The following PPP2R5A variants were observed in gnomAD, a reference collection of about 807,000 sequenced individuals.
PPP2R5A encodes protein phosphatase 2 regulatory subunit B'alpha, also known as serine/threonine-protein phosphatase 2A 56 kDa regulatory subunit alpha isoform.
Under a neutral mutation model 64.2 loss-of-function variants are expected in PPP2R5A, and 25 were observed. The observed-to-expected ratio is 0.39, with a 90% CI of 0.28 to 0.54. The LOEUF (loss-of-function observed/expected upper bound fraction) is 0.54. PPP2R5A is among the 20% of genes least tolerant of loss of function. The pLI, the probability that PPP2R5A is intolerant of heterozygous loss-of-function variation, is 0.67. For missense variants in PPP2R5A, 425 were observed against 576.3 expected (o/e 0.74, Z 2.69); for synonymous variants, 198 against 201.2 (o/e 0.98, Z 0.13).
intron 3 of PPP2R5A, among the ~76,000 whole-genome samples, chr1:212,339,911 G>A (rs1433821699): frequency 6.9e-6 from 1 of 144,036 alleles, no homozygotes; most frequent in Admixed American, 7.2e-5. Flanking sequence ...AATCTCCAGG[G>A]ATTTGCATAA....
intron 1 of PPP2R5A, chr1:212,302,202 A>G: frequency 2.0e-6 from 2 of 1,017,996 alleles, no homozygotes; most frequent in South Asian, 1.6e-5. Context: ...TACAAGCAAA[A>G]CCACATTACA....
chr1:212,314,240 T>A (rs1659101401), intron 1 of PPP2R5A, among the ~76,000 whole-genome samples: 1 of 152,092 alleles, frequency 6.6e-6, no homozygotes, highest in Non-Finnish European at 1.5e-5. Flanking sequence ...ATAAGAGTTA[T>A]TTAGCCTTCT....
intron 1 of PPP2R5A, chr1:212,302,048 G>A (rs1217906206): frequency 6.5e-7 from 1 of 1,526,746 alleles, no homozygotes; most frequent in Admixed American, 2.0e-5. Context: ...GTTTATCACT[G>A]ATTTAATGAA....
At chr1:212,316,110 G>T (rs1357329428) in intron 1 of PPP2R5A, among the ~76,000 whole-genome samples, 2 of 152,136 alleles carry the variant, frequency 1.3e-5, no homozygotes, top group Admixed American at 6.6e-5. Flanking sequence ...AAATACCTCT[G>T]CAATGGCTGC....
intron 1 of PPP2R5A, among the ~76,000 whole-genome samples, chr1:212,324,481 A>C (rs1242952590): frequency 6.6e-6 from 1 of 152,234 alleles, no homozygotes; most frequent in Admixed American, 6.5e-5. Context: ...TAGTGTTAGA[A>C]AAACATACTT....
At chr1:212,345,101 G>T (rs1318840769) in intron 4 of PPP2R5A, among the ~76,000 whole-genome samples, 1 of 150,658 alleles carries the variant, frequency 6.6e-6, no homozygotes, top group Non-Finnish European at 1.5e-5. Context: ...GGAGGTCGAG[G>T]CTGCAGTGAG....
chr1:212,296,958 T>C (rs1238800625), intron 1 of PPP2R5A, among the ~76,000 whole-genome samples: 1 of 152,228 alleles, frequency 6.6e-6, no homozygotes, highest in East Asian at 1.9e-4. Context: ...CTGATTCCTC[T>C]ATTAAATGGA....
chr1:212,340,538 T>C (rs1229597718), intron 3 of PPP2R5A, among the ~76,000 whole-genome samples: 1 of 152,236 alleles, frequency 6.6e-6, no homozygotes, highest in Admixed American at 6.5e-5. Flanking sequence ...ATCAGTTTTG[T>C]ATATCTTTTT....
chr1:212,313,753 T>C (rs1179004693), intron 1 of PPP2R5A: 1 of 152,040 alleles, frequency 6.6e-6, no homozygotes, highest in Non-Finnish European at 1.5e-5. Context: ...AGTGCCTTAT[T>C]TTTTTTTCCT....
At chr1:212,332,220 C>T (rs1249917394) in intron 2 of PPP2R5A, among the ~76,000 whole-genome samples, 2 of 152,152 alleles carry the variant, frequency 1.3e-5, no homozygotes, top group African/African-American at 2.4e-5. Flanking sequence ...TAAGTCTTAA[C>T]GGTTACAGTA....
chr1:212,297,096 CTTTTTTTTTTTTTTTTTTTTTTTTTT>C (rs869112186), intron 1 of PPP2R5A, among the ~76,000 whole-genome samples: 7 of 82,672 alleles, frequency 8.5e-5, no homozygotes, highest in South Asian at 9.9e-4. Context: ...TTTGCTTCTT[CTTTTTTTTTTTTTTTTTTTTTTTTTT>C]TTTTTTTTTT....
intron 5 of PPP2R5A, among the ~76,000 whole-genome samples, chr1:212,346,300 A>G (rs999972570): frequency 1.2e-4 from 18 of 152,022 alleles, no homozygotes; most frequent in Admixed American, 2.0e-4. Context: ...CATACTATGT[A>G]TGTTGCCCAG....
At chr1:212,304,728 C>G (rs1296318153) in intron 1 of PPP2R5A, among the ~76,000 whole-genome samples, 1 of 148,928 alleles carries the variant, frequency 6.7e-6, no homozygotes, top group East Asian at 2.1e-4. Flanking sequence ...AAGGCCGGCC[C>G]CAGTTTTTTT....
At chr1:212,311,384 G>C (rs1477575513) in intron 1 of PPP2R5A, among the ~76,000 whole-genome samples, 2 of 151,920 alleles carry the variant, frequency 1.3e-5, no homozygotes, top group South Asian at 2.1e-4. Flanking sequence ...CAGAAGAATG[G>C]CATGAACCCG....
At chr1:212,343,046 C>A (rs1217920229) in intron 4 of PPP2R5A, among the ~76,000 whole-genome samples, 8 of 152,052 alleles carry the variant, frequency 5.3e-5, no homozygotes, top group Non-Finnish European at 1.2e-4. Context: ...CTCCTGGGTT[C>A]AAGCGATTCT....
intron 1 of PPP2R5A, among the ~76,000 whole-genome samples, chr1:212,323,275 A>G (rs1659344723): frequency 6.6e-6 from 1 of 152,162 alleles, no homozygotes; most frequent in Admixed American, 6.5e-5. Context: ...CTTGCTTCTA[A>G]TCTTTTGAAG....
chr1:212,288,751 C>T (rs1227855377), intron 1 of PPP2R5A, among the ~76,000 whole-genome samples: 1 of 152,134 alleles, frequency 6.6e-6, no homozygotes, highest in Non-Finnish European at 1.5e-5. Flanking sequence ...ATGGAAAGCC[C>T]TTTAGTATGT....
At chr1:212,356,300 T>C (rs562230288) in intron 8 of PPP2R5A, among the ~76,000 whole-genome samples, 3 of 152,266 alleles carry the variant, frequency 2.0e-5, no homozygotes, top group Non-Finnish European at 2.9e-5. Context: ...TACTATTAAA[T>C]TGTTTTATTT....
chr1:212,346,438 T>TTA (rs1419608544), intron 5 of PPP2R5A, among the ~76,000 whole-genome samples: 1 of 151,972 alleles, frequency 6.6e-6, no homozygotes, highest in Non-Finnish European at 1.5e-5. Flanking sequence ...CCAAAGTCCC[T>TTA]TATATAAAAT....
Sources: gnomAD v4.1 joint callset for allele counts (sites outside exome capture counted in the v4.1 genomes callset) on GRCh38, gnomAD v4.1.1 for gene constraint, MANE v1.5 for transcripts, NCBI Gene and HGNC (gene_info 2026-07-23, HGNC 2026-07-21) for gene names.